The following SLC9A7 variants were observed in gnomAD, a reference collection of about 807,000 sequenced individuals.
SLC9A7 encodes sodium/hydrogen exchanger 7.
A neutral mutation model predicts 52.6 loss-of-function variants in SLC9A7; 19 were observed. The ratio of observed to expected loss-of-function variants is 0.36; its 90% CI spans 0.25 to 0.53. The LOEUF is 0.53. Among genes scored for constraint, SLC9A7 ranks in the 20% least tolerant of loss-of-function variants. The pLI, the probability that SLC9A7 is intolerant of heterozygous loss-of-function variation, is 0.91. For synonymous variants in SLC9A7, 226 were observed against 252.1 expected (o/e 0.90, Z 0.98); for missense variants, 455 against 597.9 (o/e 0.76, Z 2.49).
At chrX:46,639,524 G>A (rs1447855481) in intron 12 of SLC9A7, among the ~76,000 whole-genome samples, 1 of 109,396 alleles carries the variant, frequency 9.1e-6, no homozygotes, top group Non-Finnish European at 1.9e-5. Flanking sequence ...CTTGTGATCC[G>A]CCCACCTCAG....
In SLC9A7 at chrX:46,606,591, A is replaced by C; in HGVS notation, c.*361T>G. On this transcript the variant is annotated 3_prime_UTR_variant, in exon 17 of 17. Coordinates refer to ENST00000616978, the MANE Select transcript of SLC9A7 (RefSeq NM_001257291.2). ...CTTGCACTGCTGTGTACTGAGATGC[A>C]GCCTCTCATGGGAGGAATCCCCCCA... 5 of 879,893 alleles carry C rather than the reference A, an allele frequency of 5.7e-6. No individual in the cohort carries two copies. Among genetic ancestry groups the C allele is most frequent in the Non-Finnish European group, 7.0e-6 (5 of 718,283 alleles). 72.5% of individuals were successfully genotyped at this position (879,893 alleles called of 1,213,427 possible). A position where few individuals can be genotyped will look rare whatever the true frequency, so the allele number is the denominator to read the frequency against.
intron 1 of SLC9A7, among the ~76,000 whole-genome samples, chrX:46,736,125 T>C (rs777786036): frequency 5.4e-5 from 6 of 112,118 alleles, no homozygotes; most frequent in South Asian, 7.3e-4. Context: ...ATTCCAATTA[T>C]GTGAATGTTA....
chrX:46,658,601 G>A (rs1350773414), intron 7 of SLC9A7, among the ~76,000 whole-genome samples: 24 of 110,253 alleles, frequency 2.2e-4, no homozygotes, highest in South Asian at 7.6e-4. Flanking sequence ...ACACCTCTAC[G>A]CAAATAAACT....
At chrX:46,620,266 C>A (rs893439304) in intron 15 of SLC9A7, among the ~76,000 whole-genome samples, 5 of 108,001 alleles carry the variant, frequency 4.6e-5, no homozygotes, top group Non-Finnish European at 9.7e-5. Flanking sequence ...ACCAAAAATA[C>A]AAAAAATTAG....
chrX:46,711,423 A>C (rs759152393), intron 1 of SLC9A7, among the ~76,000 whole-genome samples: 1 of 111,863 alleles, frequency 8.9e-6, no homozygotes, highest in Non-Finnish European at 1.9e-5. Context: ...CACGACACAC[A>C]GAAAAGAGAG....
In SLC9A7 at chrX:46,606,403, A is replaced by T. The variant is rs1482503647; in HGVS notation, c.*549T>A. On this transcript the variant is annotated 3_prime_UTR_variant, in exon 17 of 17. Coordinates refer to ENST00000616978, the MANE Select transcript of SLC9A7 (RefSeq NM_001257291.2). ...AAACACAGGCAGCATAAAGTCAGGA[A>T]TCCTGATATGAGGTTGCAGTCAAGC... 1.3e-6 allele frequency: 1 copy of T among 754,133 alleles called. No homozygotes were observed. The highest frequency in any genetic ancestry group is 1.6e-6 in the Non-Finnish European group (1 of 639,865). The allele number at this position is 754,133 out of a possible 1,213,427, so 62.1% of individuals were successfully genotyped here.
intron 1 of SLC9A7, among the ~76,000 whole-genome samples, chrX:46,707,819 G>A (rs1163023183): frequency 8.9e-6 from 1 of 112,117 alleles, no homozygotes; most frequent in South Asian, 3.7e-4. Flanking sequence ...AGCTCACCGC[G>A]ACCTCCACCT....
intron 1 of SLC9A7, among the ~76,000 whole-genome samples, chrX:46,695,746 G>C (rs952885904): frequency 2.7e-5 from 3 of 110,034 alleles, no homozygotes; most frequent in Non-Finnish European, 3.8e-5. Context: ...GGGATCTGTT[G>C]AATTCCCCTC....
chrX:46,627,323 C>CAAAACA (rs1556042789), intron 14 of SLC9A7, among the ~76,000 whole-genome samples: 68 of 104,616 alleles, frequency 6.5e-4, no homozygotes, highest in African/African-American at 2.3e-3. Flanking sequence ...CAAAACAAAA[C>CAAAACA]AAAAAAAAAA....
chrX:46,691,740 T>C (rs920395331), intron 1 of SLC9A7, among the ~76,000 whole-genome samples: 9 of 111,388 alleles, frequency 8.1e-5, no homozygotes, highest in Non-Finnish European at 1.7e-4. Flanking sequence ...AAAATATCTC[T>C]AGAAAAGTAG....
rs1473006294 is a variant in SLC9A7 at position 46,605,052 on chromosome X, G to A, written c.*1900C>T. On this transcript the variant is annotated 3_prime_UTR_variant, in exon 17 of 17. Coordinates refer to ENST00000616978, the MANE Select transcript of SLC9A7 (RefSeq NM_001257291.2). ...AAAAAATACAAAAAATTAGCCAGGCGTGGTGGCGCGTGCCTGTAATCCCAG... is the reference window on the plus strand; with the variant it reads ...AAAAAATACAAAAAATTAGCCAGGCATGGTGGCGCGTGCCTGTAATCCCAG... 2.7e-5 allele frequency: 3 copies of A among 109,876 alleles called. No homozygotes were observed. The highest frequency in any genetic ancestry group is 3.8e-5 in the Non-Finnish European group (2 of 52,665). The allele number at this position is 109,876 out of a possible 1,213,427, so 9.1% of individuals were successfully genotyped here.
intron 7 of SLC9A7, among the ~76,000 whole-genome samples, chrX:46,660,633 CT>C (rs1405213063): frequency 9.0e-6 from 1 of 111,159 alleles, no homozygotes; most frequent in Non-Finnish European, 1.9e-5. Context: ...CTCATCATCA[CT>C]GGCCATCAGA....
intron 2 of SLC9A7, 85 bp from the exon 3 acceptor site, chrX:46,679,840 G>A (rs1944182393): frequency 1.7e-6 from 1 of 595,502 alleles, no homozygotes; most frequent in Admixed American, 3.7e-5. Flanking sequence ...TGAAGCCATT[G>A]ACTAAAGTTT....
At chrX:46,662,999 T>C (rs1943850222) in intron 5 of SLC9A7, among the ~76,000 whole-genome samples, 1 of 112,613 alleles carries the variant, frequency 8.9e-6, no homozygotes, top group Non-Finnish European at 1.9e-5. Context: ...TCTGGCTCAA[T>C]AGAGCCAAGG....
chrX:46,653,573 G>A, intron 8 of SLC9A7, 36 bp downstream of exon 8: 8 of 1,022,562 alleles, frequency 7.8e-6, no homozygotes, highest in Non-Finnish European at 1.1e-5. Context: ...CCACTACAGT[G>A]AGGGGAAGGG....
intron 15 of SLC9A7, among the ~76,000 whole-genome samples, chrX:46,614,925 G>A: frequency 8.9e-6 from 1 of 112,482 alleles, no homozygotes; most frequent in Non-Finnish European, 1.9e-5. Context: ...TTCATTTAGA[G>A]CAGCACAAGA....
At chrX:46,669,260 G>T (rs1303009574) in intron 5 of SLC9A7, among the ~76,000 whole-genome samples, 1 of 109,666 alleles carries the variant, frequency 9.1e-6, no homozygotes, top group Non-Finnish European at 1.9e-5. Flanking sequence ...AAAGGAAATT[G>T]CATGCCCTTC....
At chrX:46,748,414 A>AGGAC (rs1556284498) in intron 1 of SLC9A7, among the ~76,000 whole-genome samples, 5 of 96,449 alleles carry the variant, frequency 5.2e-5, no homozygotes, top group East Asian at 6.2e-4. Flanking sequence ...GAAGGAAGGA[A>AGGAC]GGACAGACAG....
chrX:46,732,094 C>T (rs1055398542), intron 1 of SLC9A7, among the ~76,000 whole-genome samples: 6 of 109,100 alleles, frequency 5.5e-5, no homozygotes, highest in East Asian at 2.9e-4. Context: ...TGGTGGCAGG[C>T]GCCTGTAATC....
Sources: gnomAD v4.1 joint callset for allele counts (sites outside exome capture counted in the v4.1 genomes callset) on GRCh38, gnomAD v4.1.1 for gene constraint, MANE v1.5 for transcripts, NCBI Gene and HGNC (gene_info 2026-07-23, HGNC 2026-07-21) for gene names.